XKR6: variants seen among roughly 807,000 people sequenced by gnomAD.
The protein encoded by XKR6 is XK related 6.
In XKR6, 22 loss-of-function variants were observed where a neutral mutation model predicts 56.7. The ratio of observed to expected loss-of-function variants is 0.39; its 90% CI spans 0.28 to 0.55. The LOEUF (loss-of-function observed/expected upper bound fraction) is 0.55, where lower values mean the gene tolerates loss of function less well. XKR6 is among the 20% of genes least tolerant of loss of function. The pLI is 0.66. For synonymous variants in XKR6, 524 were observed against 387.8 expected (o/e 1.35, Z -4.13); for missense variants, 852 against 889.0 (o/e 0.96, Z 0.53).
At chr8:10,948,775 G>A (rs767510360) in intron 1 of XKR6, among the ~76,000 whole-genome samples, 4 of 152,130 alleles carry the variant, frequency 2.6e-5, no homozygotes, top group Admixed American at 6.5e-5. Flanking sequence ...CCTTGTATCC[G>A]TGTCCACCAG....
intron 1 of XKR6, among the ~76,000 whole-genome samples, chr8:10,957,462 G>T (rs1369970161): frequency 6.6e-6 from 1 of 152,168 alleles, no homozygotes; most frequent in African/African-American, 2.4e-5. Flanking sequence ...GTGGCCCATG[G>T]TGTGCCCCTC....
chr8:10,927,850 G>A (rs1352355276), intron 1 of XKR6, among the ~76,000 whole-genome samples: 1 of 152,116 alleles, frequency 6.6e-6, no homozygotes, highest in Non-Finnish European at 1.5e-5. Context: ...AGCAGACGTT[G>A]GGGCCTAGAG....
intron 1 of XKR6, among the ~76,000 whole-genome samples, chr8:11,101,417 C>A (rs1421415019): frequency 1.3e-5 from 2 of 152,182 alleles, no homozygotes; most frequent in African/African-American, 4.8e-5. Flanking sequence ...GGAGTATTAG[C>A]AGCAGTGACC....
intron 1 of XKR6, among the ~76,000 whole-genome samples, chr8:11,111,302 G>C (rs922923720): frequency 6.6e-6 from 1 of 152,210 alleles, no homozygotes; most frequent in Admixed American, 6.5e-5. Flanking sequence ...GGCGGCTGGA[G>C]GGCAAACTGA....
At chr8:11,162,803 G>T (rs11776603) in intron 1 of XKR6, among the ~76,000 whole-genome samples, 41,501 of 152,144 alleles carry the variant, frequency 0.27, 6,883 homozygotes, top group Middle Eastern at 0.4. Context: ...TTTGTAAGAA[G>T]CCGAAGTGTT....
intron 1 of XKR6, among the ~76,000 whole-genome samples, chr8:10,981,230 C>T (rs959169122): frequency 1.3e-5 from 2 of 152,128 alleles, no homozygotes; most frequent in South Asian, 4.1e-4. Flanking sequence ...GTGTGCTTGT[C>T]CCCAGAGCAT....
At chr8:11,091,570 G>C (rs764332545) in intron 1 of XKR6, among the ~76,000 whole-genome samples, 2 of 152,162 alleles carry the variant, frequency 1.3e-5, no homozygotes, top group Non-Finnish European at 2.9e-5. Flanking sequence ...GTCCAGGCTA[G>C]GGGGTCCAAT....
intron 1 of XKR6, among the ~76,000 whole-genome samples, chr8:11,012,681 T>C (rs1798528799): frequency 6.8e-6 from 1 of 147,762 alleles, no homozygotes; most frequent in African/African-American, 2.5e-5. Context: ...CCAATCTGCA[T>C]CCCCTCCTTT....
chr8:11,098,013 G>A (rs979379337), intron 1 of XKR6, among the ~76,000 whole-genome samples: 6 of 152,048 alleles, frequency 3.9e-5, no homozygotes, highest in African/African-American at 1.4e-4. Flanking sequence ...GGGAACCGGT[G>A]CAATTTTGCA....
chr8:10,946,150 G>A (rs1226569077), intron 1 of XKR6, among the ~76,000 whole-genome samples: 1 of 151,978 alleles, frequency 6.6e-6, no homozygotes, highest in Non-Finnish European at 1.5e-5. Flanking sequence ...CACTCTGCCT[G>A]CAGGTTTCTC....
chr8:10,951,298 T>TG (rs758861550), intron 1 of XKR6, among the ~76,000 whole-genome samples: 6,841 of 84,324 alleles, frequency 0.081, 220 homozygotes, highest in Non-Finnish European at 0.094. Context: ...TGTGTGTGTG[T>TG]GGGGGGGGGG....
intron 1 of XKR6, among the ~76,000 whole-genome samples, chr8:10,958,597 G>A (rs1801967265): frequency 6.6e-6 from 1 of 152,192 alleles, no homozygotes; most frequent in African/African-American, 2.4e-5. Flanking sequence ...GGGTAGAAAT[G>A]GGTGTGATCA....
chr8:11,029,432 A>G (rs979282281), intron 1 of XKR6, among the ~76,000 whole-genome samples: 29 of 152,148 alleles, frequency 1.9e-4, no homozygotes, highest in Admixed American at 1.2e-3. Flanking sequence ...TTAGGTTTAG[A>G]TGAGGTCATG....
chr8:11,044,169 G>C (rs1799352063), intron 1 of XKR6, among the ~76,000 whole-genome samples: 1 of 152,192 alleles, frequency 6.6e-6, no homozygotes, highest in African/African-American at 2.4e-5. Context: ...GGTTTACAGA[G>C]GCTGAGCACT....
At chr8:10,992,804 G>A (rs1229095260) in intron 1 of XKR6, among the ~76,000 whole-genome samples, 4 of 152,164 alleles carry the variant, frequency 2.6e-5, no homozygotes, top group African/African-American at 9.7e-5. Context: ...GATGGGAAGA[G>A]GAGATGGTCC....
At chr8:11,085,883 T>A (rs917717173) in intron 1 of XKR6, among the ~76,000 whole-genome samples, 1 of 152,174 alleles carries the variant, frequency 6.6e-6, no homozygotes, top group African/African-American at 2.4e-5. Context: ...CTGAGAATGC[T>A]GAAAATCTAC....
chr8:11,187,628 AG>A (rs1158462686), intron 1 of XKR6, among the ~76,000 whole-genome samples: 1 of 152,186 alleles, frequency 6.6e-6, no homozygotes, highest in African/African-American at 2.4e-5. Context: ...ACAACAAAAA[AG>A]AAAACAACCC....
chr8:11,199,035 T>C (rs1420762410), intron 1 of XKR6, among the ~76,000 whole-genome samples: 2 of 152,254 alleles, frequency 1.3e-5, no homozygotes, highest in African/African-American at 2.4e-5. Context: ...CAGAATTTTA[T>C]TTGACCCCAA....
At chr8:10,916,101 G>C (rs938593988) in intron 2 of XKR6, among the ~76,000 whole-genome samples, 2 of 152,360 alleles carry the variant, frequency 1.3e-5, no homozygotes, top group East Asian at 1.9e-4. Context: ...GAGAAGGAGG[G>C]GCTCTGCTCA....
Sources: allele counts gnomAD v4.1 joint callset (sites outside exome capture counted in the v4.1 genomes callset), GRCh38; gene constraint gnomAD v4.1.1; transcripts MANE v1.5; gene names NCBI Gene and HGNC (gene_info 2026-07-23, HGNC 2026-07-21).